The following GLRA2 variants were observed in gnomAD, a reference collection of about 807,000 sequenced individuals.
GLRA2 encodes the protein glycine receptor subunit alpha-2.
A neutral mutation model predicts 31.6 loss-of-function variants in GLRA2; 11 were observed. The ratio of observed to expected loss-of-function variants is 0.35; its 90% CI spans 0.22 to 0.58. GLRA2 has a LOEUF of 0.58. Ranked by LOEUF, GLRA2 falls within the 20% of genes least tolerant of loss-of-function variation. The pLI is 0.84. For missense variants in GLRA2, 212 were observed against 351.8 expected (o/e 0.60, Z 3.18); for synonymous variants, 132 against 134.0 (o/e 0.99, Z 0.10).
chrX:14,628,093 C>T (rs1489327654), intron 7 of GLRA2, among the ~76,000 whole-genome samples: 1 of 111,242 alleles, frequency 9.0e-6, no homozygotes. Flanking sequence ...AGCACCAAGA[C>T]GTAAATTCAT....
intron 7 of GLRA2, among the ~76,000 whole-genome samples, chrX:14,678,098 C>T (rs971449790): frequency 7.2e-5 from 8 of 111,731 alleles, no homozygotes; most frequent in African/African-American, 2.6e-4. Context: ...GAAAAGTCAA[C>T]CTCATTTAGG....
At chrX:14,729,417 T>C (rs1050457393) in intron 8 of GLRA2, among the ~76,000 whole-genome samples, 4 of 111,221 alleles carry the variant, frequency 3.6e-5, no homozygotes, top group African/African-American at 1.3e-4. Flanking sequence ...TCCCATACAT[T>C]TTTCTCTAAG....
intron 1 of GLRA2, among the ~76,000 whole-genome samples, chrX:14,531,727 T>C (rs186311310): frequency 2.5e-3 from 276 of 111,569 alleles, no homozygotes; most frequent in African/African-American, 8.5e-3. Flanking sequence ...ATATTAATAG[T>C]TGATAGTTGG....
At chrX:14,656,106 T>C (rs1569517249) in intron 7 of GLRA2, among the ~76,000 whole-genome samples, 2 of 111,389 alleles carry the variant, frequency 1.8e-5, no homozygotes, top group Admixed American at 1.9e-4. Flanking sequence ...ATATTACAAT[T>C]TGAAATACGC....
At chrX:14,503,831 G>A in the GLRA2 span, among the ~76,000 whole-genome samples, 3 of 111,664 alleles carry the variant, frequency 2.7e-5, no homozygotes, top group Admixed American at 2.8e-4. Flanking sequence ...CAGCTCTGAG[G>A]GTGGGGCCCA....
At chrX:14,603,161 T>C (rs778703101) in intron 4 of GLRA2, among the ~76,000 whole-genome samples, 1 of 110,324 alleles carries the variant, frequency 9.1e-6, no homozygotes, top group South Asian at 3.9e-4. Context: ...TTGATTTGCA[T>C]TACCCTGATC....
intron 1 of GLRA2, among the ~76,000 whole-genome samples, chrX:14,530,477 G>A (rs952316506): frequency 2.7e-5 from 3 of 111,546 alleles, no homozygotes; most frequent in African/African-American, 9.8e-5. Flanking sequence ...TTTCATATAA[G>A]ATGATTGTAT....
At chrX:14,497,084 G>C in the GLRA2 span, among the ~76,000 whole-genome samples, 2 of 112,195 alleles carry the variant, frequency 1.8e-5, no homozygotes, top group Admixed American at 9.5e-5. Flanking sequence ...TGATATTTGG[G>C]TTAATTTTAG....
chrX:14,482,645 G>A, the GLRA2 span, among the ~76,000 whole-genome samples: 1 of 110,960 alleles, frequency 9.0e-6, no homozygotes, highest in African/African-American at 3.3e-5. Flanking sequence ...ATATTCATAA[G>A]TATAAAATAT....
chrX:14,607,146 A>C lies in GLRA2; in HGVS notation c.593A>C (p.Asn198Thr). 1 of 1,186,499 alleles carries C rather than the reference A, an allele frequency of 8.4e-7. No homozygotes were observed. The highest frequency in any genetic ancestry group is 1.1e-6 in the Non-Finnish European group (1 of 874,019). ...MQLESFGYTM[N>T]DLIFEWLSDG... ...TTTACCTCAGTTGGGTACACGATGAATGACCTGATATTTGAGTGGTTAAGT... is the reference window on the plus strand; with the variant it reads ...TTTACCTCAGTTGGGTACACGATGACTGACCTGATATTTGAGTGGTTAAGT... The change falls in exon 6 of 9, where the codon AAT (asparagine) becomes ACT (threonine). Residue 198 changes from asparagine (N) to threonine (T), a missense_variant. Asn to Thr is a moderately conservative substitution (Grantham distance 65). This residue lies in a region of GLRA2 where 110 missense variants were observed against 232.6 expected (regional missense o/e 0.47). Coordinates refer to ENST00000218075, the MANE Select transcript of GLRA2 (RefSeq NM_002063.4).
chrX:14,481,406 T>C, the GLRA2 span, among the ~76,000 whole-genome samples: 6,871 of 110,824 alleles, frequency 0.062, 558 homozygotes, highest in African/African-American at 0.21. Context: ...TGGTATCTCA[T>C]TGAGGTCAAT....
chrX:14,691,271 CTG>C (rs4014173), intron 8 of GLRA2, among the ~76,000 whole-genome samples: 6,574 of 84,740 alleles, frequency 0.078, 223 homozygotes, highest in East Asian at 0.15. Flanking sequence ...TAAATATTGA[CTG>C]TGTGTGTGTG....
At position 14,690,373 on chromosome X, in the gene GLRA2, G is replaced by A. The variant is rs181927702; in HGVS notation, c.931-337G>A. Among the ~76,000 whole-genome samples, 4 of 111,300 alleles carry A rather than the reference G, an allele frequency of 3.6e-5. No homozygotes were observed. In the East Asian group the frequency reaches 1.1e-3, roughly 31 times the overall value. On this transcript the variant is annotated intron_variant, in intron 7 of 8. Coordinates refer to ENST00000218075, the MANE Select transcript of GLRA2 (RefSeq NM_002063.4). ...GTACACATCATGGAATGTCTAAATT[G>A]AGCTACTTAACATATGCATTATTTC... is the stretch of plus-strand genomic sequence containing the variant.
chrX:14,496,298 C>T, the GLRA2 span, among the ~76,000 whole-genome samples: 2 of 111,548 alleles, frequency 1.8e-5, no homozygotes, highest in South Asian at 7.5e-4. Flanking sequence ...TTGAGTTCTT[C>T]TAGAATTGAC....
chrX:14,491,690 A>G, the GLRA2 span, among the ~76,000 whole-genome samples: 8 of 111,449 alleles, frequency 7.2e-5, no homozygotes, highest in East Asian at 2.3e-3. Context: ...TATGCAGGGC[A>G]CACTTGAGTA....
intron 8 of GLRA2, among the ~76,000 whole-genome samples, chrX:14,707,944 T>A (rs2091652708): frequency 9.0e-6 from 1 of 111,342 alleles, no homozygotes; most frequent in Non-Finnish European, 1.9e-5. Context: ...AACATGTCCA[T>A]CATCTCACAT....
intron 7 of GLRA2, among the ~76,000 whole-genome samples, chrX:14,630,282 C>T (rs2090630175): frequency 8.9e-6 from 1 of 111,856 alleles, no homozygotes; most frequent in South Asian, 3.7e-4. Flanking sequence ...ATTGTCTTCA[C>T]ACTTGCACTG....
the GLRA2 span, among the ~76,000 whole-genome samples, chrX:14,460,745 C>A: frequency 9.0e-6 from 1 of 111,516 alleles, no homozygotes; most frequent in Non-Finnish European, 1.9e-5. Context: ...TGATTCTTCT[C>A]TTTTCCTCTT....
chrX:14,703,533 C>G (rs2147215824), intron 8 of GLRA2, among the ~76,000 whole-genome samples: 1 of 111,812 alleles, frequency 8.9e-6, no homozygotes, highest in South Asian at 3.8e-4. Context: ...TCTGCAAAGC[C>G]CCTCTGCTTT....
Sources: allele counts gnomAD v4.1 joint callset (sites outside exome capture counted in the v4.1 genomes callset), GRCh38; gene constraint gnomAD v4.1.1; regional missense constraint gnomAD v4.1.1; transcripts MANE v1.5; gene names NCBI Gene and HGNC (gene_info 2026-07-23, HGNC 2026-07-21).